CPZ: variants seen among roughly 807,000 people sequenced by gnomAD.
The protein encoded by CPZ is VEZT/CPZ fusion.
A neutral mutation model predicts 61.8 loss-of-function variants in CPZ; 103 were observed. The ratio of observed to expected loss-of-function variants is 1.67; its 90% CI spans 1.42 to 1.96. CPZ has a LOEUF of 1.96. Ranked by LOEUF, CPZ falls within the 30% of genes most tolerant of loss-of-function variation. The pLI is 0.00. For missense variants in CPZ, 1,461 were observed against 914.9 expected (o/e 1.60, Z -7.70); for synonymous variants, 551 against 373.7 (o/e 1.47, Z -5.47).
rs1169942442 is a variant in CPZ at position 8,609,043 on chromosome 4, ACTCCCTCC to A, written c.1227+1626_1227+1633del. Among the ~76,000 whole-genome samples, 1,161 of 141,840 alleles carry A rather than the reference ACTCCCTCC, an allele frequency of 8.2e-3. 7 individuals carry two copies. Among genetic ancestry groups the A allele is most frequent in the Middle Eastern group, 0.026 (7 of 270 alleles). The allele number at this position is 141,840 out of a possible 152,430, so 93.1% of individuals were successfully genotyped here. On this transcript the variant is annotated intron_variant, in intron 7 of 10. Transcript: ENST00000360986. ...AACTCACTCCTTCACTCACCCATTC[ACTCCCTCC>A]CTCCCTCACTCCCTCACTCACCACT...
chr4:8,612,192 G>GTA, intron 8 of CPZ, 30 bp downstream of exon 8: 2 of 356,514 alleles, frequency 5.6e-6, no homozygotes, highest in Non-Finnish European at 4.8e-6. Flanking sequence ...GGACTGGGCG[G>GTA]GGGGTGGGGG....
Position 8,606,099 on chromosome 4 carries a change from C to T in CPZ, c.820C>T (p.Pro274Ser), listed in dbSNP as rs753279964. The change falls in exon 5 of 11, where the codon CCC becomes TCC. Residue 274 changes from proline (P) to serine (S), a missense_variant. Transcript: ENST00000360986. Reference protein sequence around the residue: ...YLCSEYLLGNPRIQRLLNTTR... With the variant: ...YLCSEYLLGNSRIQRLLNTTR... ...GTGCTCTGAGTACCTGCTTGGTAAC[C>T]CCCGCATCCAGCGCCTGCTCAACAC... The T allele has an allele frequency of 9.9e-6, 16 of 1,614,076 alleles. No homozygotes were observed. Among genetic ancestry groups the T allele is most frequent in the Non-Finnish European group, 5.9e-6 (7 of 1,180,048 alleles).
chr4:8,596,384 G>T (rs531699574), intron 1 of CPZ, among the ~76,000 whole-genome samples: 182 of 152,350 alleles, frequency 1.2e-3, no homozygotes, highest in African/African-American at 3.1e-3. Flanking sequence ...TGGGCGCTTT[G>T]CTAGGGCAGC....
At chr4:8,607,488 G>T in intron 7 of CPZ, 63 bp downstream of exon 7, 1 of 1,566,364 alleles carries the variant, frequency 6.4e-7, no homozygotes, top group Non-Finnish European at 8.7e-7. Context: ...CTTGGAGCTG[G>T]TGCCCCTCCA....
At chr4:8,606,998 G>A (rs1456937911) in intron 6 of CPZ, 100 bp downstream of exon 6, 21 of 1,365,744 alleles carry the variant, frequency 1.5e-5, no homozygotes, top group Non-Finnish European at 2.1e-5. Flanking sequence ...GGACAGGAGA[G>A]CCTGGTGCTC....
intron 7 of CPZ, among the ~76,000 whole-genome samples, chr4:8,610,046 C>T (rs1191489041): frequency 6.6e-6 from 1 of 152,202 alleles, no homozygotes; most frequent in Non-Finnish European, 1.5e-5. Flanking sequence ...CATGCTGTGT[C>T]CTGCCTGCCA....
rs370337185 is a variant in CPZ at position 8,619,562 on chromosome 4, G to C, written c.1904G>C (p.Trp635Ser). 9.0e-5 allele frequency: 139 copies of C among 1,547,160 alleles called. No homozygotes were observed. Among genetic ancestry groups the C allele is most frequent in the Non-Finnish European group, 1.1e-4 (128 of 1,146,492 alleles). The change falls in exon 11 of 11, where the codon TGG becomes TCG. Residue 635 changes from tryptophan to serine, a missense_variant. Coordinates refer to ENST00000360986, the MANE Select transcript of CPZ (RefSeq NM_001014447.3). ...PSADGSKPWW[W>S]SYFTSLSTHR... ...GCCGACGGGAGTAAGCCCTGGTGGT[G>C]GTCCTACTTCACATCGCTGAGCACC...
chr4:8,600,584 C>T (rs968429312), intron 2 of CPZ, among the ~76,000 whole-genome samples: 1 of 152,198 alleles, frequency 6.6e-6, no homozygotes, highest in African/African-American at 2.4e-5. Context: ...CAATGAGGAC[C>T]CTACCCTCTG....
chr4:8,604,953 C>T (rs1714826004), intron 4 of CPZ, among the ~76,000 whole-genome samples: 1 of 152,240 alleles, frequency 6.6e-6, no homozygotes, highest in Non-Finnish European at 1.5e-5. Context: ...GGCCACCTGG[C>T]CACACCCTGG....
chr4:8,604,326 G>A, intron 4 of CPZ, 138 bp downstream of exon 4: 1 of 720,928 alleles, frequency 1.4e-6, no homozygotes, highest in East Asian at 2.7e-5. Context: ...CTTGGTGCAG[G>A]CCACGTCCCG....
chr4:8,608,003 C>G (rs1179690587), intron 7 of CPZ, among the ~76,000 whole-genome samples: 1 of 152,162 alleles, frequency 6.6e-6, no homozygotes, highest in Non-Finnish European at 1.5e-5. Context: ...CGTGATGATG[C>G]TGGGACCCTC....
At chr4:8,603,919 C>A in intron 3 of CPZ, 57 bp from the exon 4 acceptor site, 1 of 1,486,798 alleles carries the variant, frequency 6.7e-7, no homozygotes, top group South Asian at 1.1e-5. Context: ...CGTTCCCAGG[C>A]AGTGGTAGGA....
chr4:8,614,829 G>A (rs922903664), intron 9 of CPZ, among the ~76,000 whole-genome samples: 1 of 152,140 alleles, frequency 6.6e-6, no homozygotes, highest in African/African-American at 2.4e-5. Flanking sequence ...CAGAGGCTGG[G>A]GGGGCTTCCT....
In CPZ at chr4:8,607,387, C is replaced by G; in HGVS notation, c.1189C>G (p.Gln397Glu). 1.9e-6 allele frequency: 3 copies of G among 1,614,092 alleles called. No homozygotes were observed. The highest frequency in any genetic ancestry group is 1.7e-6 in the Non-Finnish European group (2 of 1,179,960). The change falls in exon 7 of 11, where the codon CAG becomes GAG. Residue 397 changes from glutamine (Q) to glutamate (E), a missense_variant. Gln to Glu is a conservative substitution (Grantham distance 29, BLOSUM62 2). Transcript: ENST00000360986. ...CCCCTTCGACTTCTCCAAGCACCCCCAGGAGGAGAAGATGTTTTCTCCCAC... is the reference window on the plus strand; with the variant it reads ...CCCCTTCGACTTCTCCAAGCACCCCGAGGAGGAGAAGATGTTTTCTCCCAC... ...SYPFDFSKHPQEEKMFSPTPD... is the reference protein window; with the variant it reads ...SYPFDFSKHPEEEKMFSPTPD...
At chr4:8,614,140 A>T (rs1417656309) in intron 8 of CPZ, among the ~76,000 whole-genome samples, 2 of 152,240 alleles carry the variant, frequency 1.3e-5, no homozygotes, top group South Asian at 4.1e-4. Context: ...TCCACCTTGC[A>T]GTTGTTCAGC....
rs145930254 is a variant in CPZ at position 8,619,597 on chromosome 4, C to T, written c.1939C>T (p.Arg647Cys). Residue 647 changes from arginine (R) to cysteine (C), a missense_variant, in exon 11 of 11, where the codon CGC (arginine) becomes TGC (cysteine). By Grantham distance (180) the Arg-to-Cys change is radical. Coordinates refer to ENST00000360986, the MANE Select transcript of CPZ (RefSeq NM_001014447.3). ...YFTSLSTHRP[R>C]WLLKY is the part of the protein sequence containing the mutation. Reference sequence around the variant, plus strand: ...CACATCGCTGAGCACCCACAGGCCACGCTGGCTGCTCAAGTACTAGCCCCG... The same window carrying T: ...CACATCGCTGAGCACCCACAGGCCATGCTGGCTGCTCAAGTACTAGCCCCG... The T allele has an allele frequency of 2.2e-5, 33 of 1,507,842 alleles. No individual in the cohort carries two copies. The highest frequency in any genetic ancestry group is 9.8e-5 in the African/African-American group (7 of 71,424). 93.4% of individuals were successfully genotyped at this position (1,507,842 alleles called of 1,614,324 possible). A position where few individuals can be genotyped will look rare whatever the true frequency, so the allele number is the denominator to read the frequency against.
At chr4:8,619,231 TG>T in intron 10 of CPZ, 30 bp from the exon 11 acceptor site, 1 of 1,564,832 alleles carries the variant, frequency 6.4e-7, no homozygotes, top group Non-Finnish European at 8.7e-7. Context: ...GCAGTCCTCG[TG>T]AGAATCATTT....
chr4:8,607,830 G>A (rs1287086184), intron 7 of CPZ, among the ~76,000 whole-genome samples: 2 of 152,160 alleles, frequency 1.3e-5, no homozygotes, highest in Non-Finnish European at 2.9e-5. Context: ...CATGCTGCCC[G>A]CCCGTCCTGC....
intron 9 of CPZ, 109 bp downstream of exon 9, chr4:8,614,607 G>A: frequency 2.6e-6 from 3 of 1,138,934 alleles, no homozygotes; most frequent in South Asian, 1.7e-5. Context: ...ATACACACAT[G>A]CTCCTTTTGC....
Sources: gnomAD v4.1 joint callset for allele counts (sites outside exome capture counted in the v4.1 genomes callset) on GRCh38, gnomAD v4.1.1 for gene constraint, MANE v1.5 for transcripts, NCBI Gene and HGNC (gene_info 2026-07-23, HGNC 2026-07-21) for gene names.